The following DLGAP2 variants were observed in gnomAD, a reference collection of about 807,000 sequenced individuals.
The protein encoded by DLGAP2 is disks large-associated protein 2.
DLGAP2 carries 26 observed loss-of-function variants against 100.3 expected under a neutral mutation model. The observed-to-expected ratio is 0.26, with a 90% CI of 0.19 to 0.36. DLGAP2 has a LOEUF of 0.36. DLGAP2 is among the 10% of genes least tolerant of loss of function. The pLI, the probability that DLGAP2 is intolerant of heterozygous loss-of-function variation, is 1.00. For synonymous variants in DLGAP2, 886 were observed against 630.1 expected (o/e 1.41, Z -6.08); for missense variants, 1,858 against 1,453.2 (o/e 1.28, Z -4.53).
At chr8:1,600,863 C>G (rs528580274) in intron 6 of DLGAP2, among the ~76,000 whole-genome samples, 1 of 152,174 alleles carries the variant, frequency 6.6e-6, no homozygotes, top group African/African-American at 2.4e-5. Context: ...TTTCTGAAAC[C>G]TACTTCTATA....
intron 2 of DLGAP2, among the ~76,000 whole-genome samples, chr8:1,216,476 G>A (rs577491337): frequency 3.3e-5 from 5 of 151,800 alleles, no homozygotes; most frequent in East Asian, 1.9e-4. Flanking sequence ...AACCTCCCAC[G>A]TATGTGCCAC....
chr8:771,484 C>T (rs1016109013), intron 1 of DLGAP2, among the ~76,000 whole-genome samples: 3 of 152,262 alleles, frequency 2.0e-5, no homozygotes, highest in African/African-American at 7.2e-5. Flanking sequence ...GGGTCTAAGG[C>T]AGGCCGGCTA....
At chr8:1,208,546 C>T (rs60619055) in intron 2 of DLGAP2, among the ~76,000 whole-genome samples, 2,992 of 152,174 alleles carry the variant, frequency 0.02, 104 homozygotes, top group African/African-American at 0.069. Flanking sequence ...AAGTTGAAAG[C>T]ATTTTTCCTG....
At chr8:890,476 C>G (rs770964726) in intron 1 of DLGAP2, among the ~76,000 whole-genome samples, 12 of 152,066 alleles carry the variant, frequency 7.9e-5, no homozygotes, top group Middle Eastern at 6.8e-3. Context: ...GCGCTGTCTT[C>G]CCTTCTGGTT....
chr8:1,108,794 GTGAGGTGTGAATGTGTCTA>G (rs1456842413), intron 2 of DLGAP2, among the ~76,000 whole-genome samples: 4 of 139,138 alleles, frequency 2.9e-5, no homozygotes, highest in African/African-American at 8.3e-5. Context: ...TGCTGGGTCT[GTGAGGTGTGAATGTGTCTA>G]TGAGGTGTGC....
chr8:980,351 G>T (rs1023170805), intron 2 of DLGAP2, among the ~76,000 whole-genome samples: 1 of 152,178 alleles, frequency 6.6e-6, no homozygotes, highest in African/African-American at 2.4e-5. Context: ...GATGGCTGTA[G>T]GGTCCAGATT....
intron 3 of DLGAP2, among the ~76,000 whole-genome samples, chr8:1,451,718 C>A (rs1345689937): frequency 6.6e-6 from 1 of 152,196 alleles, no homozygotes; most frequent in African/African-American, 2.4e-5. Flanking sequence ...CTGCCTCCGC[C>A]TCAGCAACTC....
At chr8:1,051,695 G>A (rs1002635478) in intron 2 of DLGAP2, among the ~76,000 whole-genome samples, 4 of 152,022 alleles carry the variant, frequency 2.6e-5, no homozygotes, top group Non-Finnish European at 2.9e-5. Flanking sequence ...TTAGACTCAC[G>A]GAAGCTGCTT....
chr8:1,233,063 T>C (rs1017435250), intron 2 of DLGAP2, among the ~76,000 whole-genome samples: 2 of 152,206 alleles, frequency 1.3e-5, no homozygotes, highest in African/African-American at 2.4e-5. Flanking sequence ...TTCTTCCACT[T>C]AGCACCACGT....
At chr8:1,096,717 G>T (rs1468896909) in intron 2 of DLGAP2, among the ~76,000 whole-genome samples, 14 of 142,684 alleles carry the variant, frequency 9.8e-5, no homozygotes, top group Non-Finnish European at 1.7e-4. Flanking sequence ...TCCAGCGTGA[G>T]ACCCAGCTCC....
chr8:1,533,508 A>G (rs1045569049), intron 4 of DLGAP2, among the ~76,000 whole-genome samples: 1 of 149,682 alleles, frequency 6.7e-6, no homozygotes, highest in African/African-American at 2.4e-5. Context: ...TCTGTCTCCA[A>G]AAAAAAAAAG....
intron 4 of DLGAP2, among the ~76,000 whole-genome samples, chr8:1,513,373 T>C (rs1029736205): frequency 1.3e-5 from 2 of 151,608 alleles, no homozygotes; most frequent in Non-Finnish European, 2.9e-5. Flanking sequence ...CGCTACTGCC[T>C]TTCCCAGTGC....
chr8:1,128,333 C>T (rs558746924), intron 2 of DLGAP2, among the ~76,000 whole-genome samples: 9 of 151,746 alleles, frequency 5.9e-5, no homozygotes, highest in African/African-American at 1.7e-4. Context: ...GACCTGCCCC[C>T]GGTGTTGTGT....
At chr8:759,267 C>T (rs1200271427) in intron 1 of DLGAP2, among the ~76,000 whole-genome samples, 1 of 149,670 alleles carries the variant, frequency 6.7e-6, no homozygotes, top group Admixed American at 6.7e-5. Flanking sequence ...GTCAATACCC[C>T]CCACAGCCTC....
intron 2 of DLGAP2, among the ~76,000 whole-genome samples, chr8:1,191,614 C>T (rs1442148839): frequency 4.6e-5 from 7 of 152,058 alleles, no homozygotes; most frequent in Admixed American, 3.3e-4. Context: ...AGCCACAACG[C>T]GCCGTATCTG....
At chr8:1,530,269 C>T (rs1295601239) in intron 4 of DLGAP2, among the ~76,000 whole-genome samples, 1 of 152,154 alleles carries the variant, frequency 6.6e-6, no homozygotes, top group African/African-American at 2.4e-5. Flanking sequence ...GGCACGTATT[C>T]TCTTTCCCAG....
intron 2 of DLGAP2, among the ~76,000 whole-genome samples, chr8:1,026,737 T>G (rs567353245): frequency 3.7e-4 from 57 of 152,368 alleles, no homozygotes; most frequent in Admixed American, 8.5e-4. Flanking sequence ...GGCTCAGGTT[T>G]CTTACTCATG....
chr8:962,313 C>G (rs545766997), intron 2 of DLGAP2, among the ~76,000 whole-genome samples: 2 of 152,300 alleles, frequency 1.3e-5, no homozygotes, highest in African/African-American at 4.8e-5. Context: ...CCCTAGAAAG[C>G]AGAACACTGA....
rs552386006 is a variant in DLGAP2 at position 778,405 on chromosome 8, G to T, written c.18+40580G>T. Among the ~76,000 whole-genome samples, 17 of 152,358 alleles carry T rather than the reference G, an allele frequency of 1.1e-4. No individual in the cohort carries two copies. The East Asian group carries it at 2.9e-3, about 26-fold the overall frequency. ...TGCTGGTGAGGAACTGCGTTCCGTT[G>T]GAGGAGGAGAGGCGCTCTGCTTTTT... is the stretch of plus-strand genomic sequence containing the variant. On this transcript the variant is annotated intron_variant, in intron 1 of 14. Coordinates refer to ENST00000637795, the MANE Select transcript of DLGAP2 (RefSeq NM_001346810.2).
Sources: allele counts gnomAD v4.1 joint callset (sites outside exome capture counted in the v4.1 genomes callset), GRCh38; gene constraint gnomAD v4.1.1; transcripts MANE v1.5; gene names NCBI Gene and HGNC (gene_info 2026-07-23, HGNC 2026-07-21).